WDR5: variants seen among roughly 807,000 people sequenced by gnomAD.
The protein encoded by WDR5 is WD repeat-containing protein 5.
For missense variants in WDR5, 187 were observed against 416.9 expected (o/e 0.45, Z 4.80); for synonymous variants, 144 against 161.6 (o/e 0.89, Z 0.83).
chr9:134,142,258 C>G, intron 5 of WDR5, 75 bp from the exon 6 acceptor site: 1 of 1,489,326 alleles, frequency 6.7e-7, no homozygotes. Flanking sequence ...GGATGTCAGA[C>G]ATTGATGAAT....
rs748189950 is a variant in WDR5, at chr9:134,157,145, C to G, written c.904+552C>G. Among the ~76,000 whole-genome samples, 1 of 152,174 alleles carries G rather than the reference C, an allele frequency of 6.6e-6. No homozygotes were observed. The highest frequency in any genetic ancestry group is 6.5e-5 in the Admixed American group (1 of 15,278). Reference sequence around the variant, plus strand: ...CCTGCATTTCCACGTCTCATGGAGCCAACGAGAGCAGGGGGTTCGAGCCCT... The same window carrying G: ...CCTGCATTTCCACGTCTCATGGAGCGAACGAGAGCAGGGGGTTCGAGCCCT... On this transcript the variant is annotated intron_variant, in intron 13 of 13. Coordinates refer to ENST00000358625, the MANE Select transcript of WDR5 (RefSeq NM_017588.3). The surrounding 1 kb of genome is among the most constrained non-coding windows in gnomAD (Gnocchi z 5.0).
intron 13 of WDR5, among the ~76,000 whole-genome samples, chr9:134,156,977 G>C: frequency 6.6e-6 from 1 of 152,306 alleles, no homozygotes; most frequent in East Asian, 1.9e-4. Context: ...TCGGGTACCT[G>C]TTCCCTCTCC....
chr9:134,141,777 C>T (rs1047052730), intron 4 of WDR5, among the ~76,000 whole-genome samples, 172 bp from the exon 5 acceptor site: 1 of 152,194 alleles, frequency 6.6e-6, no homozygotes, highest in Admixed American at 6.5e-5. Flanking sequence ...GTCTGTGAGG[C>T]TGGCAGAGCT....
chr9:134,155,478 G>C (rs1313117047), intron 11 of WDR5, 105 bp downstream of exon 11: 1 of 1,452,356 alleles, frequency 6.9e-7, no homozygotes, highest in African/African-American at 1.4e-5. Flanking sequence ...GGAGCTCAGA[G>C]AGCCATCTCC....
rs1375984918 is a variant in WDR5, at chr9:134,156,591, C to T, written c.902C>T (p.Thr301Ile). The T allele has an allele frequency of 6.2e-7, 1 of 1,614,158 alleles. No individual in the cohort carries two copies. Among genetic ancestry groups the T allele is most frequent in the Admixed American group, 1.7e-5 (1 of 60,026 alleles). ...ATTGTACAGAAACTACAAGGCCACA[C>T]AGGTGAGGGCCTGCGCTCCTGCAGT... ...KEIVQKLQGH[T>I]DVVISTACHP... Residue 301 changes from threonine (T) to isoleucine (I), a missense_variant and splice_region_variant, in exon 13 of 14, where the codon ACA becomes ATA. By Grantham distance (89) the Thr-to-Ile change is moderately conservative (BLOSUM62 -1). Transcript: ENST00000358625.
At chr9:134,138,539 T>A (rs1475442904) in intron 1 of WDR5, among the ~76,000 whole-genome samples, 1 of 152,238 alleles carries the variant, frequency 6.6e-6, no homozygotes, top group Non-Finnish European at 1.5e-5. Flanking sequence ...GTACTGGCAC[T>A]TTGTCCCCTG....
At chr9:134,139,151 G>T (rs1831741467) in intron 1 of WDR5, among the ~76,000 whole-genome samples, 1 of 152,244 alleles carries the variant, frequency 6.6e-6, no homozygotes, top group African/African-American at 2.4e-5. Flanking sequence ...AAGGCAGGAT[G>T]TGGAAATTCC....
At position 134,157,843 on chromosome 9, in the gene WDR5, C is replaced by T. The variant is rs76689361; in HGVS notation, c.905-50C>T. 4,636 of 1,582,640 alleles carry T rather than the reference C, an allele frequency of 2.9e-3. 146 individuals carry two copies. The East Asian group carries it at 0.074, about 25-fold the overall frequency. On this transcript the variant is annotated intron_variant, in intron 13 of 13. Transcript: ENST00000358625. The surrounding 1 kb of genome is among the most constrained non-coding windows in gnomAD (Gnocchi z 5.0). ...GGAGCTCAGTCTGGGATGGCGTCCCCGACCCAGGCGCAGGGATGGCTCTGG... is the reference window on the plus strand; with the variant it reads ...GGAGCTCAGTCTGGGATGGCGTCCCTGACCCAGGCGCAGGGATGGCTCTGG...
intron 1 of WDR5, 21 bp from the exon 2 acceptor site, chr9:134,139,799 G>A: frequency 1.3e-6 from 2 of 1,495,792 alleles, no homozygotes; most frequent in Non-Finnish European, 1.8e-6. Flanking sequence ...TTGGCTCCCT[G>A]TTCTGCATCT....
At chr9:134,138,125 G>T (rs985807488) in intron 1 of WDR5, among the ~76,000 whole-genome samples, 1 of 152,216 alleles carries the variant, frequency 6.6e-6, no homozygotes, top group African/African-American at 2.4e-5. Flanking sequence ...GGTTGGGGCA[G>T]GTTGGGCTTG....
At chr9:134,137,193 CTCGGCT>C (rs1831607076) in intron 1 of WDR5, among the ~76,000 whole-genome samples, 1 of 152,166 alleles carries the variant, frequency 6.6e-6, no homozygotes, top group Admixed American at 6.5e-5. Context: ...GGTTTGGTTG[CTCGGCT>C]TCAGGTGGTC....
At position 134,158,085 on chromosome 9, in the gene WDR5, G is replaced by A. The variant is rs1832832404; in HGVS notation, c.*92G>A. Reference sequence around the variant, plus strand: ...CTTGGAGGTGGTCCCCCAGATCTGCGCCTGGGGGTCAGGACAGGGCCTGAT... The same window carrying A: ...CTTGGAGGTGGTCCCCCAGATCTGCACCTGGGGGTCAGGACAGGGCCTGAT... On this transcript the variant is annotated 3_prime_UTR_variant, in exon 14 of 14. Transcript: ENST00000358625. 6 of 1,180,114 alleles carry A rather than the reference G, an allele frequency of 5.1e-6. No homozygotes were observed. Among genetic ancestry groups the A allele is most frequent in the African/African-American group, 3.0e-5 (2 of 66,632 alleles). 73.1% of individuals were successfully genotyped at this position (1,180,114 alleles called of 1,614,324 possible). A position where few individuals can be genotyped will look rare whatever the true frequency, so the allele number is the denominator to read the frequency against.
chr9:134,155,083 A>G (rs1254747625), intron 10 of WDR5, among the ~76,000 whole-genome samples: 1 of 152,218 alleles, frequency 6.6e-6, no homozygotes, highest in Non-Finnish European at 1.5e-5. Flanking sequence ...GTCAGGGACG[A>G]TAACACCCAT....
At chr9:134,137,630 G>A (rs1380079918) in intron 1 of WDR5, among the ~76,000 whole-genome samples, 1 of 136,558 alleles carries the variant, frequency 7.3e-6, no homozygotes, top group Non-Finnish European at 1.5e-5. Context: ...GTTGTAGTGA[G>A]CCCAGATCGT....
intron 7 of WDR5, among the ~76,000 whole-genome samples, chr9:134,145,526 G>T (rs1832148353): frequency 6.6e-6 from 1 of 152,228 alleles, no homozygotes; most frequent in African/African-American, 2.4e-5. Context: ...TTGACAAAAA[G>T]GAGTGCAGTG....
In WDR5 at chr9:134,155,389, C is replaced by G. The variant is rs970344567; in HGVS notation, c.741+16C>G. 3 of 1,599,870 alleles carry G rather than the reference C, an allele frequency of 1.9e-6. No homozygotes were observed. The highest frequency in any genetic ancestry group is 2.6e-6 in the Non-Finnish European group (3 of 1,173,900). On this transcript the variant is annotated intron_variant, in intron 11 of 13. Coordinates refer to ENST00000358625, the MANE Select transcript of WDR5 (RefSeq NM_017588.3). ...CAAGGGGAAGGTGAGCCCCCGCAGG[C>G]TTGGGCCCCCATGGTGCACCATCCC...
rs1296590003 is a variant in WDR5, at chr9:134,150,350, TATTA to T, written c.585-1628_585-1625del. 4.6e-5 allele frequency among the ~76,000 whole-genome samples: 7 copies of T among 152,350 alleles called. No individual in the cohort carries two copies. The South Asian group carries it at 1.0e-3, about 23-fold the overall frequency. On this transcript the variant is annotated intron_variant, in intron 8 of 13. Transcript: ENST00000358625. Reference sequence around the variant, plus strand: ...AAAGGCGTTAAATGTCTCTGTCTGTTATTAATTAGTAGGGGTCAAAAAGGCGCCT... The same window carrying T: ...AAAGGCGTTAAATGTCTCTGTCTGTTATTAGTAGGGGTCAAAAAGGCGCCT...
At position 134,156,609 on chromosome 9, in the gene WDR5, C is replaced by T. The variant is rs1310924199; in HGVS notation, c.904+16C>T. ...GGCCACACAGGTGAGGGCCTGCGCTCCTGCAGTCACTGGCTGCCTGTTGAT... is the reference window on the plus strand; with the variant it reads ...GGCCACACAGGTGAGGGCCTGCGCTTCTGCAGTCACTGGCTGCCTGTTGAT... On this transcript the variant is annotated intron_variant, in intron 13 of 13. Transcript: ENST00000358625. 2 of 1,613,224 alleles carry T rather than the reference C, an allele frequency of 1.2e-6. No homozygotes were observed. Among genetic ancestry groups the T allele is most frequent in the South Asian group, 1.1e-5 (1 of 91,052 alleles).
At position 134,142,109 on chromosome 9, in the gene WDR5, G is replaced by A; in HGVS notation, c.354+71G>A. ...GCACGGGGCAGGTGCGGGGGACTGA[G>A]TTGACTGCTCAGTAAGCAACACTCA... is the stretch of plus-strand genomic sequence containing the variant. On this transcript the variant is annotated intron_variant, in intron 5 of 13. Transcript: ENST00000358625. 8 of 1,306,414 alleles carry A rather than the reference G, an allele frequency of 6.1e-6. No homozygotes were observed. In the South Asian group the frequency reaches 8.2e-5, roughly 13 times the overall value. 80.9% of individuals were successfully genotyped at this position (1,306,414 alleles called of 1,614,324 possible). A position where few individuals can be genotyped will look rare whatever the true frequency, so the allele number is the denominator to read the frequency against.
Sources: gnomAD v4.1 joint callset for allele counts (sites outside exome capture counted in the v4.1 genomes callset) on GRCh38, gnomAD v4.1.1 for gene constraint, Gnocchi (gnomAD v3.1) non-coding constraint, MANE v1.5 for transcripts, NCBI Gene and HGNC (gene_info 2026-07-23, HGNC 2026-07-21) for gene names.